Variants in TPCN2 observed in about 807,000 individuals in gnomAD.
The protein encoded by TPCN2 is two pore segment channel 2, also known as two pore channel protein 2.
TPCN2 carries 92 observed loss-of-function variants against 111.4 expected under a neutral mutation model. The observed-to-expected ratio is 0.83, with a 90% confidence interval of 0.70 to 0.98. The LOEUF (loss-of-function observed/expected upper bound fraction) is 0.98, where lower values mean the gene tolerates loss of function less well. Ranked by LOEUF, TPCN2 falls within the 50% of genes least tolerant of loss-of-function variation. The pLI is 0.00. For synonymous variants in TPCN2, 405 were observed against 414.5 expected, an observed-to-expected ratio of 0.98 and a Z score of 0.28; for missense variants, 995 against 980.1, an observed-to-expected ratio of 1.02 and a Z score of -0.20.
chr11:69,084,190 G>A (rs1319371076), intron 19 of TPCN2, among the ~76,000 whole-genome samples, 174 bp downstream of exon 19: 1 of 152,204 alleles, frequency 6.6e-6, no homozygotes, highest in Non-Finnish European at 1.5e-5. Context: ...AGAAGCCAGA[G>A]GCATCCCCTT....
intron 13 of TPCN2, among the ~76,000 whole-genome samples, chr11:69,073,791 A>G (rs1381752731): frequency 1.3e-5 from 2 of 149,200 alleles, no homozygotes; most frequent in African/African-American, 5.0e-5. Context: ...TGTAGATGCC[A>G]GCCTCTCCCT....
Position 69,085,301 on chromosome 11 carries a change from G to A in TPCN2, c.1838+15G>A, listed in dbSNP as rs371616598. ...GGAAACAGCAGGTGAGGTGGGGTCCGAGGTGCCACAGGGAGTGTCTCAGGG... is the reference window on the plus strand; with the variant it reads ...GGAAACAGCAGGTGAGGTGGGGTCCAAGGTGCCACAGGGAGTGTCTCAGGG... On this transcript the variant is annotated intron_variant, in intron 20 of 24. Transcript: ENST00000294309. 87 of 1,607,816 alleles carry A rather than the reference G, an allele frequency of 5.4e-5. 1 individual carries two copies. Among genetic ancestry groups the A allele is most frequent in the African/African-American group, 2.4e-4 (18 of 74,800 alleles).
chr11:69,085,712 A>G lies in TPCN2; in HGVS notation c.1880A>G (p.Glu627Gly), dbSNP rs377646662. 6.2e-7 allele frequency: 1 copy of G among 1,613,918 alleles called. No homozygotes were observed. The highest frequency in any genetic ancestry group is 8.5e-7 in the Non-Finnish European group (1 of 1,179,976). ...ANGSAPCGSF[E>G]QLEYWANNFD... ...GGCTCGGCGCCCTGTGGGAGCTTCG[A>G]GCAGCTGGAGTACTGGGCCAACAAC... The change falls in exon 21 of 25, where the codon GAG becomes GGG. Residue 627 changes from glutamate to glycine, a missense_variant. Coordinates refer to ENST00000294309, the MANE Select transcript of TPCN2 (RefSeq NM_139075.4).
intron 1 of TPCN2, among the ~76,000 whole-genome samples, chr11:69,053,653 G>A (rs775058731): frequency 1.1e-4 from 17 of 152,132 alleles, no homozygotes; most frequent in Non-Finnish European, 2.2e-4. Context: ...CCGATTGGGT[G>A]GCTGTAAATA....
At chr11:69,052,523 G>A (rs1294038168) in intron 1 of TPCN2, among the ~76,000 whole-genome samples, 1 of 152,120 alleles carries the variant, frequency 6.6e-6, no homozygotes, top group Non-Finnish European at 1.5e-5. Context: ...GGTGGGTCTC[G>A]TGGCTGTGCA....
Position 69,090,150 on chromosome 11 carries a change from A to G in TPCN2, c.*2197A>G, listed in dbSNP as rs1190393870. ...TGCTGCACCCGGGAGCTCTTAGTGG[A>G]CAGAGCTAGAGGATATGTGCACGTA... On this transcript the variant is annotated 3_prime_UTR_variant, in exon 25 of 25. Coordinates refer to ENST00000294309, the MANE Select transcript of TPCN2 (RefSeq NM_139075.4). The G allele has an allele frequency of 2.1e-5, 3 of 146,218 alleles. No individual in the cohort carries two copies. The highest frequency in any genetic ancestry group is 4.6e-5 in the Non-Finnish European group (3 of 64,942). The allele number at this position is 146,218 out of a possible 1,614,324, so 9.1% of individuals were successfully genotyped here.
At chr11:69,083,417 G>A (rs550539758) in intron 18 of TPCN2, among the ~76,000 whole-genome samples, 1 of 152,256 alleles carries the variant, frequency 6.6e-6, no homozygotes, top group Non-Finnish European at 1.5e-5. Context: ...CGGCTAGGCT[G>A]TGATGAGGAG....
chr11:69,085,090 C>G, intron 19 of TPCN2, 120 bp from the exon 20 acceptor site: 2 of 1,013,234 alleles, frequency 2.0e-6, no homozygotes, highest in Middle Eastern at 2.1e-4. Context: ...GGAATCCCAG[C>G]CCTGGGCAGA....
At chr11:69,070,825 T>C (rs1405229440) in intron 9 of TPCN2, among the ~76,000 whole-genome samples, 147 of 66,362 alleles carry the variant, frequency 2.2e-3, no homozygotes, top group South Asian at 4.6e-3. Flanking sequence ...CCCAGGGATC[T>C]CCCACCAGCA....
intron 19 of TPCN2, 76 bp downstream of exon 19, chr11:69,084,092 G>C: frequency 6.9e-7 from 1 of 1,447,314 alleles, no homozygotes; most frequent in Non-Finnish European, 9.7e-7. Flanking sequence ...AGGCAGTGCC[G>C]GGCCGGCTCA....
chr11:69,048,987 T>G lies in TPCN2; in HGVS notation c.-11T>G. ...GCTTCTGAGGGTCGGGTCCAGCGCG[T>G]GGGCTGCTGGATGGCGGAACCCCAG... On this transcript the variant is annotated 5_prime_UTR_variant, in exon 1 of 25. Coordinates refer to ENST00000294309, the MANE Select transcript of TPCN2 (RefSeq NM_139075.4). 8.1e-7 allele frequency: 1 copy of G among 1,234,522 alleles called. No individual in the cohort carries two copies. Among genetic ancestry groups the G allele is most frequent in the Non-Finnish European group, 1.0e-6 (1 of 985,104 alleles). 76.5% of individuals were successfully genotyped at this position (1,234,522 alleles called of 1,614,324 possible). A position where few individuals can be genotyped will look rare whatever the true frequency, so the allele number is the denominator to read the frequency against.
chr11:69,053,490 G>A (rs911393288), intron 1 of TPCN2, among the ~76,000 whole-genome samples: 3 of 152,094 alleles, frequency 2.0e-5, no homozygotes, highest in African/African-American at 7.2e-5. Flanking sequence ...TGGGACACTG[G>A]GTACAGTGTC....
At chr11:69,053,693 C>A (rs1565078385) in intron 1 of TPCN2, among the ~76,000 whole-genome samples, 1 of 152,194 alleles carries the variant, frequency 6.6e-6, no homozygotes, top group Non-Finnish European at 1.5e-5. Context: ...GAGCCAGCCA[C>A]AGCCTTCCTG....
chr11:69,055,759 G>A (rs1288231726), intron 4 of TPCN2, among the ~76,000 whole-genome samples: 3 of 152,164 alleles, frequency 2.0e-5, no homozygotes, highest in Non-Finnish European at 4.4e-5. Flanking sequence ...CCAGTGGGCC[G>A]TCAGGGGTTG....
At position 69,085,667 on chromosome 11, in the gene TPCN2, C is replaced by G; in HGVS notation, c.1839-4C>G. On this transcript the variant is annotated splice_polypyrimidine_tract_variant and splice_region_variant and intron_variant, in intron 20 of 24. Transcript: ENST00000294309. ...CCCTGACCCAGGTGTGTTGTGTTCC[C>G]CAGCCTGGCCCCTGCCAATGGCTCG... is the stretch of plus-strand genomic sequence containing the variant. 1 of 1,606,410 alleles carries G rather than the reference C, an allele frequency of 6.2e-7. No individual in the cohort carries two copies. The highest frequency in any genetic ancestry group is 8.5e-7 in the Non-Finnish European group (1 of 1,173,388).
chr11:69,085,126 T>C, intron 19 of TPCN2, 84 bp from the exon 20 acceptor site: 1 of 1,288,380 alleles, frequency 7.8e-7, no homozygotes, highest in Non-Finnish European at 1.1e-6. Flanking sequence ...AGTCATCCTC[T>C]GGCTTTGCGG....
At position 69,089,058 on chromosome 11, in the gene TPCN2, A is replaced by G. The variant is rs1275440074; in HGVS notation, c.*1105A>G. 9 of 152,226 alleles carry G rather than the reference A, an allele frequency of 5.9e-5. No homozygotes were observed. The highest frequency in any genetic ancestry group is 5.2e-4 in the Admixed American group (8 of 15,282). 9.4% of individuals were successfully genotyped at this position (152,226 alleles called of 1,614,324 possible). On this transcript the variant is annotated 3_prime_UTR_variant, in exon 25 of 25. Coordinates refer to ENST00000294309, the MANE Select transcript of TPCN2 (RefSeq NM_139075.4). ...TGCCAGGGTTGCCCCTGCACTGTGCATTCTCGCCTGGGAGGCACAAGTTCT... is the reference window on the plus strand; with the variant it reads ...TGCCAGGGTTGCCCCTGCACTGTGCGTTCTCGCCTGGGAGGCACAAGTTCT...
Position 69,049,233 on chromosome 11 carries a change from C to T in TPCN2, c.109+127C>T, listed in dbSNP as rs1488185157. The T allele has an allele frequency of 1.7e-5, 9 of 542,012 alleles. No individual in the cohort carries two copies. The East Asian group carries it at 2.1e-4, about 13-fold the overall frequency. 33.6% of individuals were successfully genotyped at this position (542,012 alleles called of 1,614,324 possible). A position where few individuals can be genotyped will look rare whatever the true frequency, so the allele number is the denominator to read the frequency against. On this transcript the variant is annotated intron_variant, in intron 1 of 24. Coordinates refer to ENST00000294309, the MANE Select transcript of TPCN2 (RefSeq NM_139075.4). ...ACCAGGTTCGAGTCCGAGCGGGGCC[C>T]GGGCCGCGCCGGGTGCCAGGCGAGC...
chr11:69,080,267 G>A (rs1855949255), intron 17 of TPCN2, among the ~76,000 whole-genome samples: 1 of 152,222 alleles, frequency 6.6e-6, no homozygotes, highest in Non-Finnish European at 1.5e-5. Context: ...CTCTGCTGGC[G>A]GGAAGGTCCT....
Sources: gnomAD v4.1 joint callset for allele counts (sites outside exome capture counted in the v4.1 genomes callset) on GRCh38, gnomAD v4.1.1 for gene constraint, MANE v1.5 for transcripts, NCBI Gene and HGNC (gene_info 2026-07-23, HGNC 2026-07-21) for gene names.